Variants in CCDC40 observed in about 807,000 individuals in gnomAD.
CCDC40 encodes coiled-coil domain-containing protein 40.
In CCDC40, 104 loss-of-function variants were observed where a neutral mutation model predicts 124.5. That is an observed-to-expected ratio of 0.84 (90% confidence interval 0.71 to 0.98). The LOEUF (loss-of-function observed/expected upper bound fraction) is 0.98, where lower values mean the gene tolerates loss of function less well. Ranked by LOEUF, CCDC40 falls within the 50% of genes least tolerant of loss-of-function variation. CCDC40 has a pLI of 0.00. For synonymous variants in CCDC40, 580 were observed against 602.9 expected (o/e 0.96, Z 0.56); for missense variants, 1,463 against 1,503.9 (o/e 0.97, Z 0.45).
chr17:80,052,150 A>T (rs2037617889), intron 7 of CCDC40, among the ~76,000 whole-genome samples: 1 of 152,248 alleles, frequency 6.6e-6, no homozygotes, highest in African/African-American at 2.4e-5. Context: ...AGACTGTATT[A>T]GGGTTGTCTA....
chr17:80,099,086 T>A (rs555060426), intron 19 of CCDC40, among the ~76,000 whole-genome samples: 1 of 146,536 alleles, frequency 6.8e-6, no homozygotes, highest in Admixed American at 6.8e-5. Flanking sequence ...ATCGAGACCA[T>A]CCTGGCTAAC....
intron 3 of CCDC40, among the ~76,000 whole-genome samples, chr17:80,042,627 C>G (rs1459391061): frequency 6.6e-6 from 1 of 152,194 alleles, no homozygotes; most frequent in East Asian, 1.9e-4. Flanking sequence ...TAACTTCTTC[C>G]TTTCCCATCC....
chr17:80,092,970 C>G (rs1035932200), intron 17 of CCDC40, among the ~76,000 whole-genome samples: 3 of 151,934 alleles, frequency 2.0e-5, no homozygotes, highest in Non-Finnish European at 2.9e-5. Flanking sequence ...ATTTTTTTTG[C>G]ATTTGGATGT....
At chr17:80,065,328 G>A (rs1000731150) in intron 9 of CCDC40, among the ~76,000 whole-genome samples, 157 bp from the exon 10 acceptor site, 1 of 149,884 alleles carries the variant, frequency 6.7e-6, no homozygotes, top group African/African-American at 2.5e-5. Flanking sequence ...GCTACATTCA[G>A]GCTCGTGTTT....
chr17:80,095,379 G>A lies in CCDC40; in HGVS notation c.2949G>A (p.Arg983=). 1 of 1,614,148 alleles carries A rather than the reference G, an allele frequency of 6.2e-7. No individual in the cohort carries two copies. Among genetic ancestry groups the A allele is most frequent in the East Asian group, 2.2e-5 (1 of 44,892 alleles). ...TQAEGQRKMD[R]KALTRTDFHH... Reference sequence around the variant, plus strand: ...CCGAGGGGCAGCGCAAGATGGACAGGAAGGCGCTCACCCGCACCGACTTCC... The same window carrying A: ...CCGAGGGGCAGCGCAAGATGGACAGAAAGGCGCTCACCCGCACCGACTTCC... The change falls in exon 18 of 20, where the codon AGG becomes AGA. Residue 983 remains arginine (R), a synonymous_variant. Coordinates refer to ENST00000397545, the MANE Select transcript of CCDC40 (RefSeq NM_017950.4).
Position 80,090,158 on chromosome 17 carries a change from A to T in CCDC40, c.2832+274A>T, listed in dbSNP as rs7210658. On this transcript the variant is annotated intron_variant, in intron 17 of 19. Transcript: ENST00000397545. ...GTGCAGAAATATTGCAGAACAACACAGGACGCACACAGGCACGTGCACGAA... is the reference window on the plus strand; with the variant it reads ...GTGCAGAAATATTGCAGAACAACACTGGACGCACACAGGCACGTGCACGAA... The T allele has an allele frequency of 3.2e-5, 34 of 1,058,504 alleles. 10 individuals are homozygous for T. Among genetic ancestry groups the T allele is most frequent in the Middle Eastern group, 4.6e-4 (2 of 4,328 alleles). 65.6% of individuals were successfully genotyped at this position (1,058,504 alleles called of 1,614,324 possible).
chr17:80,073,572 C>T (rs1401684358), intron 10 of CCDC40, among the ~76,000 whole-genome samples: 6 of 152,222 alleles, frequency 3.9e-5, no homozygotes, highest in Non-Finnish European at 7.3e-5. Context: ...CGCCGGCTGG[C>T]GTTCTTCCAT....
At chr17:80,079,955 G>A (rs1285006501) in intron 10 of CCDC40, among the ~76,000 whole-genome samples, 2 of 151,544 alleles carry the variant, frequency 1.3e-5, no homozygotes, top group Non-Finnish European at 2.9e-5. Flanking sequence ...GCCAGGCGCA[G>A]TGGCCCACAC....
rs746202437 is a variant in CCDC40 at position 80,091,452 on chromosome 17, GCC to G, written c.2832+1570_2832+1571del. On this transcript the variant is annotated intron_variant, in intron 17 of 19. Coordinates refer to ENST00000397545, the MANE Select transcript of CCDC40 (RefSeq NM_017950.4). ...GCATCTAATCTGCAGACCCAGGAGAGCCCATGATTCAGTCAAGTCTAAGACCT... is the reference window on the plus strand; with the variant it reads ...GCATCTAATCTGCAGACCCAGGAGAGCATGATTCAGTCAAGTCTAAGACCT... Among the ~76,000 whole-genome samples, 93 of 152,218 alleles carry G rather than the reference GCC, an allele frequency of 6.1e-4. 1 individual carries two copies. The highest frequency in any genetic ancestry group is 1.8e-4 in the Non-Finnish European group (12 of 68,010).
intron 18 of CCDC40, 83 bp downstream of exon 18, chr17:80,095,534 T>C (rs1439299213): frequency 7.3e-7 from 1 of 1,367,954 alleles, no homozygotes; most frequent in Non-Finnish European, 1.0e-6. Context: ...TCTTGCTGGG[T>C]CCGGGGTGAG....
chr17:80,095,911 C>A (rs529714840), intron 18 of CCDC40, among the ~76,000 whole-genome samples: 1 of 152,206 alleles, frequency 6.6e-6, no homozygotes, highest in Non-Finnish European at 1.5e-5. Context: ...CTGATGGGAG[C>A]GGGGTGGGCG....
At chr17:80,049,847 C>A in intron 5 of CCDC40, 59 bp from the exon 6 acceptor site, 1 of 1,500,540 alleles carries the variant, frequency 6.7e-7, no homozygotes, top group African/African-American at 1.4e-5. Flanking sequence ...GGGCTGAGCC[C>A]TGGGTCGGGC....
In CCDC40 at chr17:80,067,711, T is replaced by A. The variant is rs118030915; in HGVS notation, c.1562+2105T>A. The stretch of plus-strand genomic sequence containing the variant: ...TCACCAGGATGCTATATAGCCTTTT[T>A]TATATTGCCTATCAAGCCCGGAATG... On this transcript the variant is annotated intron_variant, in intron 10 of 19. Coordinates refer to ENST00000397545, the MANE Select transcript of CCDC40 (RefSeq NM_017950.4). 712 of 1,526,610 alleles carry A rather than the reference T, an allele frequency of 4.7e-4. 9 individuals carry two copies. In the East Asian group the frequency reaches 0.015, roughly 32 times the overall value. The allele number at this position is 1,526,610 out of a possible 1,614,324, so 94.6% of individuals were successfully genotyped here. A position where few individuals can be genotyped will look rare whatever the true frequency, so the allele number is the denominator to read the frequency against.
chr17:80,090,777 C>A, intron 17 of CCDC40: 2 of 1,311,138 alleles, frequency 1.5e-6, no homozygotes, highest in Non-Finnish European at 9.7e-7. Flanking sequence ...ACAGTAAGAG[C>A]AGTTCATAAA....
intron 17 of CCDC40, chr17:80,090,957 C>T: frequency 2.5e-6 from 1 of 393,776 alleles, no homozygotes; most frequent in Non-Finnish European, 3.7e-6. Context: ...GACAAGCTCT[C>T]CTCCACAGAG....
rs920840793 is a variant in CCDC40, at chr17:80,036,880, C to T, written c.29+189C>T. 6.1e-6 allele frequency: 3 copies of T among 493,894 alleles called. No individual in the cohort carries two copies. The East Asian group carries it at 1.1e-4, about 18-fold the overall frequency. 30.6% of individuals were successfully genotyped at this position (493,894 alleles called of 1,614,324 possible). ...CCACTGCGTTCAGCCCCTCACCCCC[C>T]CGCCAACCCTTCTCACTTCTCCCCT... On this transcript the variant is annotated intron_variant, in intron 1 of 19. Coordinates refer to ENST00000397545, the MANE Select transcript of CCDC40 (RefSeq NM_017950.4).
intron 12 of CCDC40, among the ~76,000 whole-genome samples, 174 bp from the exon 13 acceptor site, chr17:80,084,569 G>A (rs955065720): frequency 6.6e-6 from 1 of 152,140 alleles, no homozygotes; most frequent in Admixed American, 6.5e-5. Context: ...CCAACAAGTA[G>A]GTCCCTTGCT....
intron 3 of CCDC40, chr17:80,040,613 A>T: frequency 3.1e-6 from 1 of 320,338 alleles, no homozygotes. Flanking sequence ...CGAGAGGCGG[A>T]GGCTGCAGTG....
chr17:80,064,924 C>G (rs911299412), intron 9 of CCDC40, among the ~76,000 whole-genome samples: 2 of 151,954 alleles, frequency 1.3e-5, no homozygotes, highest in Non-Finnish European at 2.9e-5. Flanking sequence ...GGTGCTGGGC[C>G]CGTCCTGTGG....
Sources: gnomAD v4.1 joint callset for allele counts (sites outside exome capture counted in the v4.1 genomes callset) on GRCh38, gnomAD v4.1.1 for gene constraint, MANE v1.5 for transcripts, NCBI Gene and HGNC (gene_info 2026-07-23, HGNC 2026-07-21) for gene names.